The following CNTNAP5 variants were observed in gnomAD, a reference collection of about 807,000 sequenced individuals.
The protein encoded by CNTNAP5 is contactin-associated protein-like 5.
In CNTNAP5, 72 loss-of-function variants were observed where a neutral mutation model predicts 150.2. That is an observed-to-expected ratio of 0.48 (90% confidence interval 0.40 to 0.58). The LOEUF (loss-of-function observed/expected upper bound fraction) is 0.58, where lower values mean the gene tolerates loss of function less well. CNTNAP5 is among the 20% of genes least tolerant of loss of function. The pLI is 0.00. For missense variants in CNTNAP5, 1,636 were observed against 1,626.2 expected, an observed-to-expected ratio of 1.01 and a Z score of -0.10; for synonymous variants, 672 against 619.8, an observed-to-expected ratio of 1.08 and a Z score of -1.25.
chr2:124,191,070 A>G (rs1027431057), intron 1 of CNTNAP5, among the ~76,000 whole-genome samples: 2 of 152,126 alleles, frequency 1.3e-5, no homozygotes, highest in Non-Finnish European at 2.9e-5. Flanking sequence ...ATATATACCT[A>G]TGTTTTCATG....
intron 1 of CNTNAP5, among the ~76,000 whole-genome samples, chr2:124,031,246 G>T (rs1375972540): frequency 1.3e-5 from 2 of 151,878 alleles, no homozygotes; most frequent in Non-Finnish European, 2.9e-5. Context: ...CCTCAACTAG[G>T]ATGCAAAGTT....
Position 124,423,930 on chromosome 2 carries a change from C to T in CNTNAP5, c.529+6340C>T, listed in dbSNP as rs371930128. On this transcript the variant is annotated intron_variant, in intron 4 of 23. Transcript: ENST00000682447. Reference sequence around the variant, plus strand: ...CCGCCCGCCTCGGCCTCCCAAAGTGCTGGGATTACAGGCGTGAGCCACCGC... The same window carrying T: ...CCGCCCGCCTCGGCCTCCCAAAGTGTTGGGATTACAGGCGTGAGCCACCGC... Among the ~76,000 whole-genome samples, 161 of 152,148 alleles carry T rather than the reference C, an allele frequency of 1.1e-3. 1 individual carries two copies. Among genetic ancestry groups the T allele is most frequent in the African/African-American group, 3.7e-3 (152 of 41,508 alleles).
chr2:124,241,541 T>C (rs2104767012), intron 2 of CNTNAP5, among the ~76,000 whole-genome samples: 1 of 152,306 alleles, frequency 6.6e-6, no homozygotes, highest in Middle Eastern at 3.4e-3. Flanking sequence ...TACCTGCTGT[T>C]TACCTCTTGT....
At chr2:124,227,943 C>T (rs1686506924) in intron 2 of CNTNAP5, among the ~76,000 whole-genome samples, 2 of 151,938 alleles carry the variant, frequency 1.3e-5, no homozygotes, top group African/African-American at 4.8e-5. Context: ...CACGCACACA[C>T]ACACATATAC....
rs184370605 is a variant in CNTNAP5 at position 124,061,005 on chromosome 2, G to A, written c.82+35273G>A. Among the ~76,000 whole-genome samples the A allele has an allele frequency of 7.2e-5, 11 of 152,214 alleles. No homozygotes were observed. In the East Asian group the frequency reaches 1.9e-3, roughly 27 times the overall value. ...CCCTGTGAAAGGTCTGGGGCTGCCAGTGCCATTTACTGCATCAACCAAGAT... is the reference window on the plus strand; with the variant it reads ...CCCTGTGAAAGGTCTGGGGCTGCCAATGCCATTTACTGCATCAACCAAGAT... On this transcript the variant is annotated intron_variant, in intron 1 of 23. Transcript: ENST00000682447.
chr2:124,801,035 T>G (rs1185783173), intron 19 of CNTNAP5, among the ~76,000 whole-genome samples: 4 of 152,246 alleles, frequency 2.6e-5, no homozygotes, highest in Non-Finnish European at 5.9e-5. Flanking sequence ...CCACTCCAGC[T>G]TGGAACACCC....
rs1680580570 is a variant in CNTNAP5, at chr2:124,745,222, G to C, written c.2078-2007G>C. 2.0e-5 allele frequency among the ~76,000 whole-genome samples: 3 copies of C among 152,144 alleles called. No individual in the cohort carries two copies. In the South Asian group the frequency reaches 6.2e-4, roughly 32 times the overall value. ...TGGCTGTTCAGAGCTTATACCATTAGTAACAATGCAATTAATGTGCTTATA... is the reference window on the plus strand; with the variant it reads ...TGGCTGTTCAGAGCTTATACCATTACTAACAATGCAATTAATGTGCTTATA... On this transcript the variant is annotated intron_variant, in intron 13 of 23. Transcript: ENST00000682447.
chr2:124,652,729 T>A (rs901944355), intron 13 of CNTNAP5, among the ~76,000 whole-genome samples: 2 of 152,172 alleles, frequency 1.3e-5, no homozygotes, highest in African/African-American at 2.4e-5. Context: ...CACAATTCTC[T>A]TGCAATAGTC....
At chr2:124,669,964 C>G (rs1213889100) in intron 13 of CNTNAP5, among the ~76,000 whole-genome samples, 1 of 152,134 alleles carries the variant, frequency 6.6e-6, no homozygotes, top group East Asian at 1.9e-4. Flanking sequence ...CTCACAATAT[C>G]TATGTGTTTC....
At chr2:124,690,665 T>C (rs1369021762) in intron 13 of CNTNAP5, among the ~76,000 whole-genome samples, 1 of 152,020 alleles carries the variant, frequency 6.6e-6, no homozygotes, top group Non-Finnish European at 1.5e-5. Context: ...ATCCAAGCTC[T>C]TTCTAGCCTC....
chr2:124,437,852 G>A (rs1482389616), intron 5 of CNTNAP5, among the ~76,000 whole-genome samples: 1 of 152,112 alleles, frequency 6.6e-6, no homozygotes, highest in Non-Finnish European at 1.5e-5. Context: ...GTCAAATAAA[G>A]GAGAGAGTTT....
intron 1 of CNTNAP5, among the ~76,000 whole-genome samples, chr2:124,124,358 G>GAGAAAAAAAA (rs2104719908): frequency 6.6e-6 from 1 of 152,150 alleles, no homozygotes; most frequent in South Asian, 2.1e-4. Flanking sequence ...GAGAAGTTTA[G>GAGAAAAAAAA]AGAAAAAAAG....
intron 19 of CNTNAP5, among the ~76,000 whole-genome samples, chr2:124,846,838 G>A (rs10168604): frequency 0.049 from 7,402 of 152,198 alleles, 521 homozygotes; most frequent in African/African-American, 0.16. Context: ...GGTTGTTTTT[G>A]CTCTTCTGGG....
At chr2:124,524,529 T>G in intron 9 of CNTNAP5, 77 bp downstream of exon 9, 1 of 1,412,204 alleles carries the variant, frequency 7.1e-7, no homozygotes, top group Non-Finnish European at 9.6e-7. Flanking sequence ...ACTATGATGG[T>G]TCTGGTTTGG....
At chr2:124,792,171 C>CT (rs372379003) in intron 18 of CNTNAP5, among the ~76,000 whole-genome samples, 1 of 152,034 alleles carries the variant, frequency 6.6e-6, no homozygotes, top group Admixed American at 6.6e-5. Flanking sequence ...GAATTAGGGT[C>CT]TTTTTTTCAT....
chr2:124,314,114 G>C (rs1440232108), intron 3 of CNTNAP5, among the ~76,000 whole-genome samples: 2 of 152,176 alleles, frequency 1.3e-5, no homozygotes, highest in Non-Finnish European at 2.9e-5. Context: ...CCAAGTACCA[G>C]ATTCACAAGG....
intron 3 of CNTNAP5, among the ~76,000 whole-genome samples, chr2:124,413,445 G>A (rs369575995): frequency 3.9e-4 from 52 of 134,550 alleles, no homozygotes; most frequent in African/African-American, 1.3e-3. Flanking sequence ...TGTTTATTGC[G>A]GCATTATTCA....
intron 3 of CNTNAP5, among the ~76,000 whole-genome samples, chr2:124,295,774 G>A (rs1202130789): frequency 1.3e-5 from 2 of 148,614 alleles, no homozygotes; most frequent in East Asian, 4.0e-4. Context: ...GAATGAGGTG[G>A]ACAATTCCAG....
intron 6 of CNTNAP5, among the ~76,000 whole-genome samples, chr2:124,470,401 C>T (rs1395680856): frequency 1.3e-5 from 2 of 151,840 alleles, no homozygotes; most frequent in African/African-American, 4.8e-5. Flanking sequence ...GTCTTTTGCC[C>T]CACTTTTTAT....
Sources: gnomAD v4.1 joint callset for allele counts (sites outside exome capture counted in the v4.1 genomes callset) on GRCh38, gnomAD v4.1.1 for gene constraint, MANE v1.5 for transcripts, NCBI Gene and HGNC (gene_info 2026-07-23, HGNC 2026-07-21) for gene names.